BCAS4: variants seen among roughly 807,000 people sequenced by gnomAD.
The protein encoded by BCAS4 is breast carcinoma-amplified sequence 4.
In BCAS4, 9 loss-of-function variants were observed where a neutral mutation model predicts 15.7. The observed-to-expected ratio is 0.57, with a 90% CI of 0.34 to 1.00. The LOEUF (loss-of-function observed/expected upper bound fraction) is 1.00, where lower values mean the gene tolerates loss of function less well. Among genes scored for constraint, BCAS4 ranks in the 50% least tolerant of loss-of-function variants. BCAS4 has a pLI of 0.02. For synonymous variants in BCAS4, 101 were observed against 99.5 expected, an observed-to-expected ratio of 1.02 and a Z score of -0.09; for missense variants, 225 against 239.1, an observed-to-expected ratio of 0.94 and a Z score of 0.39.
chr20:50,831,582 C>T (rs2088344348), intron 3 of BCAS4, among the ~76,000 whole-genome samples: 1 of 152,122 alleles, frequency 6.6e-6, no homozygotes, highest in Non-Finnish European at 1.5e-5. Flanking sequence ...CTCCTTGTTG[C>T]ACTGCAGTCA....
intron 4 of BCAS4, among the ~76,000 whole-genome samples, chr20:50,873,774 C>T (rs1281271627): frequency 6.6e-6 from 1 of 152,174 alleles, no homozygotes; most frequent in African/African-American, 2.4e-5. Context: ...ATCCCCTGAG[C>T]AGGCTGAGCC....
chr20:50,862,461 G>A (rs1979133561), intron 4 of BCAS4, among the ~76,000 whole-genome samples: 1 of 152,192 alleles, frequency 6.6e-6, no homozygotes. Flanking sequence ...GTCTTCATCA[G>A]GCAAGGACAG....
chr20:50,823,498 A>G (rs183092084), intron 2 of BCAS4, among the ~76,000 whole-genome samples: 252 of 152,314 alleles, frequency 1.7e-3, no homozygotes, highest in African/African-American at 5.5e-3. Context: ...ACACAGCAAC[A>G]TAGATGATCT....
chr20:50,843,268 T>C (rs1258143548), intron 4 of BCAS4, among the ~76,000 whole-genome samples: 1 of 152,206 alleles, frequency 6.6e-6, no homozygotes. Context: ...TATTGAGTGC[T>C]TACAAGGTTC....
intron 2 of BCAS4, among the ~76,000 whole-genome samples, chr20:50,819,055 C>T (rs559876682): frequency 6.6e-6 from 1 of 152,086 alleles, no homozygotes; most frequent in East Asian, 1.9e-4. Context: ...TGGTGGCAGG[C>T]GCCTGTAATC....
intron 1 of BCAS4, among the ~76,000 whole-genome samples, chr20:50,808,066 CCCGG>C (rs969356154): frequency 3.3e-5 from 5 of 152,036 alleles, no homozygotes; most frequent in African/African-American, 1.2e-4. Context: ...CGCCACCATG[CCCGG>C]CTAATTTTTT....
At chr20:50,847,563 C>T (rs749447246) in intron 4 of BCAS4, among the ~76,000 whole-genome samples, 1 of 152,196 alleles carries the variant, frequency 6.6e-6, no homozygotes, top group Non-Finnish European at 1.5e-5. Context: ...TTTCTATCTC[C>T]ATCTTACAGC....
At chr20:50,844,265 G>GACCTT (rs1475362714) in intron 4 of BCAS4, among the ~76,000 whole-genome samples, 1 of 151,802 alleles carries the variant, frequency 6.6e-6, no homozygotes, top group Non-Finnish European at 1.5e-5. Flanking sequence ...AACAAAGCAA[G>GACCTT]ACCTTGTCTC....
intron 1 of BCAS4, among the ~76,000 whole-genome samples, chr20:50,806,519 G>C (rs767531491): frequency 1.1e-4 from 17 of 152,170 alleles, no homozygotes; most frequent in Non-Finnish European, 2.4e-4. Flanking sequence ...ACTGCATTCA[G>C]CTGGAGGATT....
chr20:50,853,665 G>A, intron 4 of BCAS4, among the ~76,000 whole-genome samples: 1 of 149,708 alleles, frequency 6.7e-6, no homozygotes, highest in African/African-American at 2.5e-5. Context: ...TTGCTGTGGG[G>A]ACCATTTTGT....
intron 1 of BCAS4, among the ~76,000 whole-genome samples, 196 bp from the exon 2 acceptor site, chr20:50,818,015 T>C (rs913079794): frequency 1.6e-4 from 24 of 152,090 alleles, no homozygotes; most frequent in Admixed American, 1.6e-3. Context: ...GTGGTGGCTT[T>C]AACCAGTCCT....
At chr20:50,844,024 G>A (rs951299653) in intron 4 of BCAS4, among the ~76,000 whole-genome samples, 4 of 151,988 alleles carry the variant, frequency 2.6e-5, no homozygotes, top group Admixed American at 1.3e-4. Context: ...CATCCCTGTG[G>A]TCTCAGTTAC....
intron 2 of BCAS4, among the ~76,000 whole-genome samples, chr20:50,823,850 T>C (rs949525313): frequency 6.6e-6 from 1 of 152,082 alleles, no homozygotes; most frequent in Admixed American, 6.6e-5. Flanking sequence ...TTCTATATCT[T>C]AGTCTGGGTG....
chr20:50,860,560 A>G (rs975548565), intron 4 of BCAS4, among the ~76,000 whole-genome samples: 3 of 152,070 alleles, frequency 2.0e-5, no homozygotes. Context: ...TTCCCTGGAG[A>G]TTTGTCCAAG....
intron 4 of BCAS4, among the ~76,000 whole-genome samples, chr20:50,873,695 A>C (rs941647337): frequency 6.6e-6 from 1 of 152,182 alleles, no homozygotes; most frequent in South Asian, 2.1e-4. Flanking sequence ...TGACCCACAG[A>C]GGCAGGGGCA....
At position 50,863,248 on chromosome 20, in the gene BCAS4, C is replaced by CTTTT. The variant is rs1054175958; in HGVS notation, c.400-13214_400-13211dup. Among the ~76,000 whole-genome samples, 26 of 86,096 alleles carry CTTTT rather than the reference C, an allele frequency of 3.0e-4. 2 individuals carry two copies. The highest frequency in any genetic ancestry group is 9.8e-4 in the African/African-American group (18 of 18,324). The allele number at this position is 86,096 out of a possible 152,430, so 56.5% of individuals were successfully genotyped here. On this transcript the variant is annotated intron_variant, in intron 4 of 4. Coordinates refer to ENST00000371608, the MANE Select transcript of BCAS4 (RefSeq NM_198799.4). The stretch of plus-strand genomic sequence containing the variant: ...GTTTTCTTCCCAGAGCTAACTGGTG[C>CTTTT]TTTTTTTTTTTTTTTTTTTTTTTTT...
chr20:50,796,368 CA>C (rs573554371), intron 1 of BCAS4, among the ~76,000 whole-genome samples: 24 of 105,756 alleles, frequency 2.3e-4, no homozygotes, highest in Middle Eastern at 6.8e-3. Context: ...AACTCCCTCT[CA>C]AAAAAAAAAA....
At chr20:50,818,403 C>T (rs2088168229) in intron 2 of BCAS4, 121 bp downstream of exon 2, 3 of 939,726 alleles carry the variant, frequency 3.2e-6, no homozygotes, top group East Asian at 5.3e-5. Context: ...GGGCAGCGGC[C>T]AGCGCTGAGA....
intron 3 of BCAS4, chr20:50,840,917 C>A (rs1477168171): frequency 1.7e-6 from 1 of 596,010 alleles, no homozygotes; most frequent in African/African-American, 1.9e-5. Flanking sequence ...GCAACCTCCG[C>A]CTCCCGGGTT....
Sources: gnomAD v4.1 joint callset for allele counts (sites outside exome capture counted in the v4.1 genomes callset) on GRCh38, gnomAD v4.1.1 for gene constraint, MANE v1.5 for transcripts, NCBI Gene and HGNC (gene_info 2026-07-23, HGNC 2026-07-21) for gene names.